Variants in THSD7A observed in about 807,000 individuals in gnomAD.
THSD7A encodes the protein thrombospondin type 1 domain containing 7A.
A neutral mutation model predicts 231.3 loss-of-function variants in THSD7A; 96 were observed. The observed-to-expected ratio is 0.41, with a 90% CI of 0.35 to 0.49. The LOEUF is 0.49. Ranked by LOEUF, THSD7A falls within the 20% of genes least tolerant of loss-of-function variation. The pLI is 0.05. For synonymous variants in THSD7A, 940 were observed against 743.3 expected, an observed-to-expected ratio of 1.26 and a Z score of -4.30; for missense variants, 2,290 against 2,070.2, an observed-to-expected ratio of 1.11 and a Z score of -2.06.
Position 11,406,397 on chromosome 7 carries a change from G to A in THSD7A, c.4140C>T (p.Ser1380=), listed in dbSNP as rs1057393402. Residue 1380 remains serine, a synonymous_variant, in exon 22 of 28, where the codon AGC becomes AGT. Coordinates refer to ENST00000423059, the MANE Select transcript of THSD7A (RefSeq NM_015204.3). The surrounding 1 kb of genome is among the most constrained non-coding windows in gnomAD (Gnocchi z 4.7). Reference sequence around the variant, plus strand: ...CACAGAATTCCTCATCCACCACTTTGCTGAAATCATCAGCTGACCCATCAC... The same window carrying A: ...CACAGAATTCCTCATCCACCACTTTACTGAAATCATCAGCTGACCCATCAC... The part of the protein sequence containing the change: ...VVSDGSADDF[S]KVVDEEFCAD... 1 of 1,613,890 alleles carries A rather than the reference G, an allele frequency of 6.2e-7. No individual in the cohort carries two copies. The highest frequency in any genetic ancestry group is 1.7e-5 in the Admixed American group (1 of 60,006).
At chr7:11,575,199 T>A (rs1027788148) in intron 4 of THSD7A, among the ~76,000 whole-genome samples, 2 of 152,200 alleles carry the variant, frequency 1.3e-5, no homozygotes, top group Non-Finnish European at 2.9e-5. Flanking sequence ...TTAACGCATT[T>A]TGATCTATAG....
chr7:11,475,597 CATATATATAACAT>C (rs1786132997), intron 7 of THSD7A, among the ~76,000 whole-genome samples: 1 of 147,582 alleles, frequency 6.8e-6, no homozygotes, highest in Non-Finnish European at 1.5e-5. Context: ...ATGTATATAA[CATATATATAACAT>C]ATATAACATA....
At chr7:11,484,387 G>C (rs1030914857) in intron 6 of THSD7A, among the ~76,000 whole-genome samples, 3 of 151,974 alleles carry the variant, frequency 2.0e-5, no homozygotes, top group Non-Finnish European at 2.9e-5. Flanking sequence ...AAAATTTCAG[G>C]TCTTACACAG....
chr7:11,648,693 G>A (rs1782381095), intron 1 of THSD7A, among the ~76,000 whole-genome samples: 1 of 126,238 alleles, frequency 7.9e-6, no homozygotes, highest in African/African-American at 2.9e-5. Context: ...TCTTCTCCTA[G>A]ATGTGAGTAA....
chr7:11,497,221 G>T (rs1787138775), intron 6 of THSD7A, among the ~76,000 whole-genome samples: 1 of 152,114 alleles, frequency 6.6e-6, no homozygotes, highest in Non-Finnish European at 1.5e-5. Flanking sequence ...ATGAGAATAG[G>T]ATGAGGGAAA....
Position 11,810,953 on chromosome 7 carries a change from A to T in THSD7A, c.190+20804T>A, listed in dbSNP as rs553941892. On this transcript the variant is annotated intron_variant, in intron 1 of 27. Coordinates refer to ENST00000423059, the MANE Select transcript of THSD7A (RefSeq NM_015204.3). ...GTTTAATTCAGCCTTCTGCCAACTA[A>T]AATTTTTTCCCAGAATTTCCTCATT... 2.0e-5 allele frequency among the ~76,000 whole-genome samples: 3 copies of T among 152,264 alleles called. No individual in the cohort carries two copies. In the South Asian group the frequency reaches 6.2e-4, roughly 32 times the overall value.
At chr7:11,602,475 T>C (rs1780585933) in intron 2 of THSD7A, among the ~76,000 whole-genome samples, 1 of 152,088 alleles carries the variant, frequency 6.6e-6, no homozygotes, top group African/African-American at 2.4e-5. Context: ...GTACAGAAAG[T>C]TACATAAAGT....
At chr7:11,428,322 CTTTTT>C (rs1784382631) in intron 14 of THSD7A, among the ~76,000 whole-genome samples, 1 of 152,014 alleles carries the variant, frequency 6.6e-6, no homozygotes, top group Non-Finnish European at 1.5e-5. Flanking sequence ...TAGGCTTTTT[CTTTTT>C]ATCTCTAATA....
intron 4 of THSD7A, among the ~76,000 whole-genome samples, chr7:11,550,914 AG>A (rs1355411962): frequency 1.3e-5 from 2 of 152,130 alleles, no homozygotes; most frequent in East Asian, 1.9e-4. Flanking sequence ...AAAAGAACAA[AG>A]CCAGAGGCAT....
At chr7:11,414,797 A>ACTAT (rs1783905311) in intron 17 of THSD7A, among the ~76,000 whole-genome samples, 1 of 152,148 alleles carries the variant, frequency 6.6e-6, no homozygotes, top group Admixed American at 6.5e-5. Context: ...CTGGAATAAC[A>ACTAT]CTATCTGTTT....
intron 1 of THSD7A, among the ~76,000 whole-genome samples, chr7:11,648,238 A>G (rs1204812315): frequency 6.6e-6 from 1 of 152,056 alleles, no homozygotes; most frequent in Admixed American, 6.6e-5. Context: ...TTAGAGCCAT[A>G]ACAAGTGGGG....
intron 4 of THSD7A, among the ~76,000 whole-genome samples, chr7:11,575,529 G>T (rs776411796): frequency 3.3e-5 from 5 of 152,132 alleles, no homozygotes; most frequent in Non-Finnish European, 7.4e-5. Flanking sequence ...CGCAATGATG[G>T]TTGGAAATTG....
chr7:11,779,734 T>C (rs1422658072), intron 1 of THSD7A, among the ~76,000 whole-genome samples: 1 of 152,248 alleles, frequency 6.6e-6, no homozygotes, highest in African/African-American at 2.4e-5. Flanking sequence ...CATTGATTTC[T>C]CTACTTCTAG....
At position 11,379,123 on chromosome 7, in the gene THSD7A, G is replaced by C. The variant is rs1782401554; in HGVS notation, c.4748C>G (p.Ser1583Cys). Residue 1583 changes from serine to cysteine, a missense_variant, in exon 26 of 28, where the codon TCC becomes TGC. By Grantham distance (112) the Ser-to-Cys change is moderately radical. Transcript: ENST00000423059. ...CCTTCCCCGTCCTGCTGGGTTACTG[G>C]AGGGTTGGGTTGGATGTACAGCCCG... Reference protein sequence around the residue: ...TSRAVHPTQPSSNPAGRGRTW... With the variant: ...TSRAVHPTQPCSNPAGRGRTW... 1.9e-6 allele frequency: 3 copies of C among 1,613,500 alleles called. No individual in the cohort carries two copies. Among genetic ancestry groups the C allele is most frequent in the Non-Finnish European group, 2.5e-6 (3 of 1,179,706 alleles).
chr7:11,542,084 T>A (rs984537990), intron 5 of THSD7A, among the ~76,000 whole-genome samples: 1 of 152,234 alleles, frequency 6.6e-6, no homozygotes, highest in Non-Finnish European at 1.5e-5. Flanking sequence ...CAATGTCACA[T>A]GATTAAATTT....
intron 23 of THSD7A, among the ~76,000 whole-genome samples, chr7:11,386,141 A>G (rs1333016093): frequency 2.0e-5 from 3 of 152,076 alleles, no homozygotes; most frequent in African/African-American, 7.2e-5. Flanking sequence ...GTTGGTTCCA[A>G]GTCTTTGCTA....
rs1315887971 is a variant in THSD7A at position 11,639,513 on chromosome 7, C to CA, written c.191-2553dup. Among the ~76,000 whole-genome samples the CA allele has an allele frequency of 8.6e-5, 13 of 151,778 alleles. 1 individual carries two copies. Among genetic ancestry groups the CA allele is most frequent in the Admixed American group, 1.3e-4 (2 of 15,234 alleles). On this transcript the variant is annotated intron_variant, in intron 1 of 27. Transcript: ENST00000423059. ...TGAAACCCTGTCTGTACTAAAAATA[C>CA]AAAAAATTAGCCAAGCGTGGTGGCG...
At chr7:11,729,718 G>A (rs2128156681) in intron 1 of THSD7A, among the ~76,000 whole-genome samples, 2 of 151,722 alleles carry the variant, frequency 1.3e-5, no homozygotes, top group East Asian at 3.9e-4. Flanking sequence ...TCCATTCATG[G>A]CCTTCTAATA....
Position 11,375,747 on chromosome 7 carries a change from A to C in THSD7A, c.*47T>G, listed in dbSNP as rs1782243279. On this transcript the variant is annotated 3_prime_UTR_variant, in exon 28 of 28. Coordinates refer to ENST00000423059, the MANE Select transcript of THSD7A (RefSeq NM_015204.3). The stretch of plus-strand genomic sequence containing the variant: ...CATTTGTTGTGGCCTCTGGACATCT[A>C]TGAAGTCAGAAAGCCGAAACTGGTT... The C allele has an allele frequency of 1.3e-6, 2 of 1,512,652 alleles. No individual in the cohort carries two copies. Among genetic ancestry groups the C allele is most frequent in the African/African-American group, 2.8e-5 (2 of 72,606 alleles). The allele number at this position is 1,512,652 out of a possible 1,614,324, so 93.7% of individuals were successfully genotyped here.
Sources: gnomAD v4.1 joint callset for allele counts (sites outside exome capture counted in the v4.1 genomes callset) on GRCh38, gnomAD v4.1.1 for gene constraint, Gnocchi (gnomAD v3.1) non-coding constraint, MANE v1.5 for transcripts, NCBI Gene and HGNC (gene_info 2026-07-23, HGNC 2026-07-21) for gene names.